The following PRRG4 variants were observed in gnomAD, a reference collection of about 807,000 sequenced individuals.
The protein encoded by PRRG4 is proline rich and Gla domain 4.
PRRG4 carries 12 observed loss-of-function variants against 20.0 expected under a neutral mutation model. That is an observed-to-expected ratio of 0.60 (90% CI 0.38 to 0.97). The LOEUF (loss-of-function observed/expected upper bound fraction) is 0.97. PRRG4 is among the 50% of genes least tolerant of loss of function. The pLI is 0.00. For synonymous variants in PRRG4, 94 were observed against 96.4 expected, an observed-to-expected ratio of 0.98 and a Z score of 0.15; for missense variants, 199 against 265.1, an observed-to-expected ratio of 0.75 and a Z score of 1.73.
intron 2 of PRRG4, among the ~76,000 whole-genome samples, chr11:32,831,168 TTTGGGGC>T (rs1174114915): frequency 6.6e-6 from 1 of 152,150 alleles, no homozygotes; most frequent in African/African-American, 2.4e-5. Flanking sequence ...AAAGATTAGG[TTTGGGGC>T]TTGCTAACCT....
At chr11:32,848,585 T>C (rs1851151388) in intron 5 of PRRG4, among the ~76,000 whole-genome samples, 1 of 151,312 alleles carries the variant, frequency 6.6e-6, no homozygotes, top group South Asian at 2.1e-4. Flanking sequence ...TGTAATGTTA[T>C]ATATTGTATA....
chr11:32,830,236 G>T, intron 1 of PRRG4, 63 bp downstream of exon 1: 3 of 1,059,774 alleles, frequency 2.8e-6, no homozygotes, highest in Non-Finnish European at 3.5e-6. Flanking sequence ...CCACCTCGGC[G>T]GACTGGGTTG....
Position 32,830,174 on chromosome 11 carries a change from G to A in PRRG4, c.-23+1G>A. 24 of 1,038,336 alleles carry A rather than the reference G, an allele frequency of 2.3e-5. No individual in the cohort carries two copies. The highest frequency in any genetic ancestry group is 2.8e-5 in the Non-Finnish European group (24 of 864,990). The allele number at this position is 1,038,336 out of a possible 1,614,324, so 64.3% of individuals were successfully genotyped here. ...CTGGAACATGTGCGGGGGGACACAG[G>A]TACGAGGCCTGGCGGCAGGACCTCG... On this transcript the variant is annotated splice_donor_variant, in intron 1 of 5. Transcript: ENST00000257836. LOFTEE classifies it low-confidence loss of function (5UTR_SPLICE).
intron 5 of PRRG4, among the ~76,000 whole-genome samples, chr11:32,844,575 A>T (rs1851110519): frequency 6.6e-6 from 1 of 151,658 alleles, no homozygotes; most frequent in Non-Finnish European, 1.5e-5. Context: ...ATCTCGGCTC[A>T]CTGCAACCTC....
intron 5 of PRRG4, among the ~76,000 whole-genome samples, chr11:32,845,512 G>A (rs377317226): frequency 6.6e-6 from 1 of 151,912 alleles, no homozygotes; most frequent in East Asian, 1.9e-4. Context: ...GGTGCCTGTA[G>A]TCCCAGCTAC....
Position 32,853,305 on chromosome 11 carries a change from C to T in PRRG4, c.459C>T (p.Ala153=), listed in dbSNP as rs765084978. Residue 153 remains alanine, a synonymous_variant, in exon 6 of 6, where the codon GCC becomes GCT. Coordinates refer to ENST00000257836, the MANE Select transcript of PRRG4 (RefSeq NM_024081.6). ...TTGTCTCTCTGCTTAGCTCTTCAGCCGTCTATGAAAGGGGGAGGCACACTC... is the reference window on the plus strand; with the variant it reads ...TTGTCTCTCTGCTTAGCTCTTCAGCTGTCTATGAAAGGGGGAGGCACACTC... ...CNRLQHPCSS[A]VYERGRHTPS... is the part of the protein sequence containing the mutation. 13 of 1,613,372 alleles carry T rather than the reference C, an allele frequency of 8.1e-6. No homozygotes were observed. Among genetic ancestry groups the T allele is most frequent in the East Asian group, 2.2e-5 (1 of 44,874 alleles).
At chr11:32,837,350 A>G (rs1372679995) in intron 3 of PRRG4, among the ~76,000 whole-genome samples, 2 of 152,048 alleles carry the variant, frequency 1.3e-5, no homozygotes, top group African/African-American at 4.8e-5. Flanking sequence ...TGTATTCGGA[A>G]GTATATTATT....
At chr11:32,843,205 C>G (rs1478989288) in intron 5 of PRRG4, among the ~76,000 whole-genome samples, 3 of 152,060 alleles carry the variant, frequency 2.0e-5, no homozygotes. Flanking sequence ...AAAATCATTT[C>G]CATTGTGATA....
At chr11:32,839,892 T>C in intron 4 of PRRG4, among the ~76,000 whole-genome samples, 1 of 147,908 alleles carries the variant, frequency 6.8e-6, no homozygotes, top group East Asian at 1.9e-4. Flanking sequence ...AATATATTTA[T>C]ATTTTAATAA....
At chr11:32,852,939 A>ATTTTTTTTTTT (rs34615143) in intron 5 of PRRG4, among the ~76,000 whole-genome samples, 33 of 99,106 alleles carry the variant, frequency 3.3e-4, no homozygotes, top group African/African-American at 1.1e-3. Context: ...TGCCCGGCTA[A>ATTTTTTTTTTT]TTTTTTTTTT....
intron 5 of PRRG4, among the ~76,000 whole-genome samples, chr11:32,848,565 ATATAT>A (rs1197202953): frequency 6.6e-6 from 1 of 151,538 alleles, no homozygotes; most frequent in African/African-American, 2.4e-5. Context: ...TTAATGTTTT[ATATAT>A]TATATGTAAT....
chr11:32,837,541 G>GATGATGATT lies in PRRG4; in HGVS notation c.267+722_267+723insGATGATTAT, dbSNP rs1303509427. ...TGATGATGATGATGATGATGATGAT[G>GATGATGATT]ATTATTATTATTATTATTATTATTA... On this transcript the variant is annotated intron_variant, in intron 3 of 5. Transcript: ENST00000257836. 4.4e-3 allele frequency among the ~76,000 whole-genome samples: 417 copies of GATGATGATT among 95,804 alleles called. 2 individuals carry two copies. The highest frequency in any genetic ancestry group is 0.01 in the East Asian group (33 of 3,282). The allele number at this position is 95,804 out of a possible 152,430, so 62.9% of individuals were successfully genotyped here.
At chr11:32,845,395 A>G (rs961146723) in intron 5 of PRRG4, among the ~76,000 whole-genome samples, 3 of 152,032 alleles carry the variant, frequency 2.0e-5, no homozygotes, top group African/African-American at 4.8e-5. Flanking sequence ...GGAGGCCGAG[A>G]CGGGCGGATC....
At chr11:32,848,102 T>G (rs758733937) in intron 5 of PRRG4, among the ~76,000 whole-genome samples, 8 of 152,170 alleles carry the variant, frequency 5.3e-5, no homozygotes, top group Non-Finnish European at 8.8e-5. Context: ...GGCTGGGAAG[T>G]CTAAGATCAA....
intron 5 of PRRG4, among the ~76,000 whole-genome samples, chr11:32,849,155 G>A (rs1277745560): frequency 2.6e-5 from 4 of 151,874 alleles, no homozygotes; most frequent in African/African-American, 7.3e-5. Context: ...TTGAGCCCAG[G>A]AGTTCAAGAT....
intron 5 of PRRG4, among the ~76,000 whole-genome samples, chr11:32,846,053 C>T (rs1167294685): frequency 2.0e-5 from 3 of 152,040 alleles, no homozygotes; most frequent in East Asian, 1.9e-4. Context: ...AACTACTAGG[C>T]GGGCTTAGGT....
intron 5 of PRRG4, among the ~76,000 whole-genome samples, chr11:32,852,919 C>A (rs1244579040): frequency 6.6e-6 from 1 of 150,798 alleles, no homozygotes; most frequent in Non-Finnish European, 1.5e-5. Context: ...ACTACAGGCA[C>A]CCGCCACCAT....
intron 5 of PRRG4, among the ~76,000 whole-genome samples, chr11:32,847,316 TTGAA>T (rs1383564216): frequency 5.3e-5 from 8 of 152,110 alleles, no homozygotes; most frequent in African/African-American, 1.9e-4. Context: ...AGTGAAGGAC[TTGAA>T]TGGACATTTC....
Position 32,840,651 on chromosome 11 carries a change from C to T in PRRG4, c.449+412C>T, listed in dbSNP as rs1474171145. On this transcript the variant is annotated intron_variant, in intron 5 of 5. Transcript: ENST00000257836. This position sits in a 1 kb window ranked among gnomAD's most constrained non-coding sequence, Gnocchi z 4.1. ...CTAATTTAACATTTACATAAACAAC[C>T]TAATGATGCTATTTCTAAGGTCCTT... Among the ~76,000 whole-genome samples the T allele has an allele frequency of 6.6e-6, 1 of 152,182 alleles. No individual in the cohort carries two copies. The highest frequency in any genetic ancestry group is 2.4e-5 in the African/African-American group (1 of 41,450).
Sources: gnomAD v4.1 joint callset for allele counts (sites outside exome capture counted in the v4.1 genomes callset) on GRCh38, gnomAD v4.1.1 for gene constraint, Gnocchi (gnomAD v3.1) non-coding constraint, MANE v1.5 for transcripts, NCBI Gene and HGNC (gene_info 2026-07-23, HGNC 2026-07-21) for gene names.